The following ZMYM2 variants were observed in gnomAD, a reference collection of about 807,000 sequenced individuals.
ZMYM2 encodes the protein zinc finger MYM-type protein 2.
Under a neutral mutation model 162.8 loss-of-function variants are expected in ZMYM2, and 56 were observed. The observed-to-expected ratio is 0.34, with a 90% CI of 0.28 to 0.43. The LOEUF (loss-of-function observed/expected upper bound fraction) is 0.43. ZMYM2 is among the 20% of genes least tolerant of loss of function. ZMYM2 has a pLI of 1.00. For synonymous variants in ZMYM2, 510 were observed against 541.6 expected (o/e 0.94, Z 0.81); for missense variants, 1,275 against 1,621.8 (o/e 0.79, Z 3.67).
chr13:20,060,833 ACTT>A (rs2140771964), intron 16 of ZMYM2, among the ~76,000 whole-genome samples: 1 of 152,316 alleles, frequency 6.6e-6, no homozygotes, highest in South Asian at 2.1e-4. Flanking sequence ...GGACAGAAAT[ACTT>A]CAAAAATTCT....
chr13:19,887,047 T>C, the ZMYM2 span, among the ~76,000 whole-genome samples: 1 of 151,890 alleles, frequency 6.6e-6, no homozygotes, highest in Non-Finnish European at 1.5e-5. Context: ...TTCCTGCAAA[T>C]TGGTAATTGC....
chr13:19,888,312 C>T, the ZMYM2 span, among the ~76,000 whole-genome samples: 6 of 151,792 alleles, frequency 4.0e-5, no homozygotes, highest in Non-Finnish European at 8.8e-5. Context: ...TGTCAGCCCC[C>T]AAGTAGCTAG....
At chr13:19,976,752 A>G (rs1456265893) in intron 2 of ZMYM2, among the ~76,000 whole-genome samples, 2 of 152,122 alleles carry the variant, frequency 1.3e-5, no homozygotes, top group Non-Finnish European at 2.9e-5. Flanking sequence ...TTCCTTTTAG[A>G]AGTCTATTGT....
At chr13:19,904,453 G>A in the ZMYM2 span, among the ~76,000 whole-genome samples, 1,556 of 152,200 alleles carry the variant, frequency 0.01, 31 homozygotes, top group African/African-American at 0.036. Flanking sequence ...AGCTACTTGG[G>A]GGGCTGAGGC....
chr13:20,004,069 G>A lies in ZMYM2; in HGVS notation c.1133+934G>A, dbSNP rs888110865. Among the ~76,000 whole-genome samples the A allele has an allele frequency of 3.3e-5, 5 of 152,260 alleles. No individual in the cohort carries two copies. The East Asian group carries it at 9.7e-4, about 29-fold the overall frequency. On this transcript the variant is annotated intron_variant, in intron 4 of 24. Coordinates refer to ENST00000610343, the MANE Select transcript of ZMYM2 (RefSeq NM_197968.4). ...ATATCTTGGAGCAGCTCAATTCTCC[G>A]AAGCTATATTTAGATCTTGAATTTT...
the ZMYM2 span, among the ~76,000 whole-genome samples, chr13:19,883,750 G>GTA: frequency 6.0e-4 from 91 of 151,268 alleles, 1 homozygote; most frequent in Middle Eastern, 3.4e-3. Flanking sequence ...TATTCTCATG[G>GTA]TATATATATA....
chr13:19,890,895 C>T, the ZMYM2 span, among the ~76,000 whole-genome samples: 3 of 151,518 alleles, frequency 2.0e-5, no homozygotes, highest in African/African-American at 4.9e-5. Flanking sequence ...AATTCAGCTA[C>T]AGCATTTTTT....
the ZMYM2 span, among the ~76,000 whole-genome samples, chr13:19,908,812 A>C: frequency 1.3e-5 from 2 of 152,330 alleles, no homozygotes; most frequent in South Asian, 4.1e-4. Flanking sequence ...GTGATACCAC[A>C]TGTCATGTAG....
chr13:20,032,599 C>T (rs867439453), intron 10 of ZMYM2, among the ~76,000 whole-genome samples: 1,956 of 65,778 alleles, frequency 0.03, 46 homozygotes, highest in Non-Finnish European at 0.04. Context: ...TTTTTTCTGT[C>T]TTTTTTTTTT....
Position 19,993,791 on chromosome 13 carries a change from A to C in ZMYM2, c.719A>C (p.Asn240Thr), listed in dbSNP as rs1216480640. ...CTGCAGTCAAGTAATTTTGGTGTTA[A>C]TATACAAACATACACCCCATCTTTA... is the stretch of plus-strand genomic sequence containing the variant. ...NGLQSSNFGV[N>T]IQTYTPSLTS... Residue 240 changes from asparagine (N) to threonine (T), a missense_variant, in exon 3 of 25, where the codon AAT (asparagine) becomes ACT (threonine). By Grantham distance (65) the Asn-to-Thr change is moderately conservative. Around this residue, in one of 10 missense-constraint regions of ZMYM2, gnomAD observed 295 missense variants for 286.7 expected, o/e 1.03. Transcript: ENST00000610343. The C allele has an allele frequency of 6.2e-7, 1 of 1,614,194 alleles. No individual in the cohort carries two copies. Among genetic ancestry groups the C allele is most frequent in the South Asian group, 1.1e-5 (1 of 91,088 alleles).
the ZMYM2 span, among the ~76,000 whole-genome samples, chr13:19,904,357 G>C: frequency 6.6e-6 from 1 of 151,970 alleles, no homozygotes; most frequent in East Asian, 1.9e-4. Context: ...CGGAGTTCGC[G>C]ACCAGCCTGG....
the ZMYM2 span, chr13:19,864,501 C>A: frequency 3.2e-5 from 5 of 154,986 alleles, 1 homozygote; most frequent in Non-Finnish European, 7.3e-5. Context: ...TGGAGACACC[C>A]AGACGCAGCT....
chr13:20,058,098 G>T (rs756163073), intron 14 of ZMYM2, among the ~76,000 whole-genome samples: 4 of 152,088 alleles, frequency 2.6e-5, no homozygotes, highest in African/African-American at 9.7e-5. Context: ...AAAGTTTGAG[G>T]ATATCTTTGG....
the ZMYM2 span, among the ~76,000 whole-genome samples, chr13:19,905,006 AT>A: frequency 9.4e-3 from 1,217 of 129,904 alleles, 9 homozygotes; most frequent in African/African-American, 0.031. Context: ...CTTGCTTTCA[AT>A]TTTTTTTTTT....
intron 6 of ZMYM2, among the ~76,000 whole-genome samples, chr13:20,015,035 A>G (rs550242227): frequency 2.0e-5 from 3 of 152,212 alleles, no homozygotes; most frequent in Non-Finnish European, 4.4e-5. Context: ...TGCTGGGATT[A>G]TAGGTGTGAG....
Position 20,002,991 on chromosome 13 carries a change from C to G in ZMYM2, c.989C>G (p.Thr330Ser). The part of the protein sequence containing the change: ...QQQPTKPVKV[T>S]CANCKKPLQK... ...CAGCCTACTAAACCAGTTAAAGTCACTTGTGCAAACTGCAAAAAACCTTTA... is the reference window on the plus strand; with the variant it reads ...CAGCCTACTAAACCAGTTAAAGTCAGTTGTGCAAACTGCAAAAAACCTTTA... Residue 330 changes from threonine (T) to serine (S), a missense_variant, in exon 4 of 25, where the codon ACT becomes AGT. Physicochemically the swap from Thr to Ser is moderately conservative, Grantham distance 58. Coordinates refer to ENST00000610343, the MANE Select transcript of ZMYM2 (RefSeq NM_197968.4). 1 of 1,614,172 alleles carries G rather than the reference C, an allele frequency of 6.2e-7. No individual in the cohort carries two copies. The highest frequency in any genetic ancestry group is 8.5e-7 in the Non-Finnish European group (1 of 1,180,030).
intron 3 of ZMYM2, among the ~76,000 whole-genome samples, chr13:19,994,894 A>G (rs1294185012): frequency 6.6e-6 from 1 of 151,900 alleles, no homozygotes; most frequent in East Asian, 1.9e-4. Flanking sequence ...GTAGAGTGGC[A>G]CAATCTCAGC....
the ZMYM2 span, among the ~76,000 whole-genome samples, chr13:19,894,363 G>C: frequency 1.9e-5 from 2 of 103,512 alleles, no homozygotes; most frequent in Non-Finnish European, 4.0e-5. Context: ...TTTTTTTTTT[G>C]AGACAGAGTT....
At chr13:19,927,454 C>T in the ZMYM2 span, among the ~76,000 whole-genome samples, 1 of 152,200 alleles carries the variant, frequency 6.6e-6, no homozygotes, top group African/African-American at 2.4e-5. Flanking sequence ...CTGAGACTTC[C>T]TATTTTCACT....
Sources: gnomAD v4.1 joint callset for allele counts (sites outside exome capture counted in the v4.1 genomes callset) on GRCh38, gnomAD v4.1.1 for gene constraint, gnomAD v4.1.1 regional missense constraint, MANE v1.5 for transcripts, NCBI Gene and HGNC (gene_info 2026-07-23, HGNC 2026-07-21) for gene names.